The following DCAF8L2 variants were observed in gnomAD, a reference collection of about 807,000 sequenced individuals.
The protein encoded by DCAF8L2 is DDB1 and CUL4 associated factor 8 like 2, also known as DDB1- and CUL4-associated factor 8-like protein 2.
For missense variants in DCAF8L2, 430 were observed against 490.7 expected (o/e 0.88, Z 1.17); for synonymous variants, 200 against 190.9 (o/e 1.05, Z -0.39).
At chrX:27,502,815 T>G in the DCAF8L2 span, among the ~76,000 whole-genome samples, 1 of 111,656 alleles carries the variant, frequency 9.0e-6, no homozygotes, top group East Asian at 2.8e-4. Context: ...GAAATTTAAC[T>G]CTAAATATAG....
At chrX:27,552,429 A>G in the DCAF8L2 span, among the ~76,000 whole-genome samples, 1 of 111,143 alleles carries the variant, frequency 9.0e-6, no homozygotes, top group African/African-American at 3.3e-5. Flanking sequence ...TATAATTTTG[A>G]GTTTTACATT....
At chrX:27,480,389 A>T in the DCAF8L2 span, among the ~76,000 whole-genome samples, 1 of 112,254 alleles carries the variant, frequency 8.9e-6, no homozygotes, top group Non-Finnish European at 1.9e-5. Flanking sequence ...TACATGACGA[A>T]GGTTGATCCT....
At chrX:27,722,603 T>A (rs749709543) in intron 4 of DCAF8L2, among the ~76,000 whole-genome samples, 33 of 111,366 alleles carry the variant, frequency 3.0e-4, no homozygotes, top group African/African-American at 1.0e-3. Context: ...CATCATGAAG[T>A]CAAAAATTCA....
chrX:27,549,939 T>C, the DCAF8L2 span, among the ~76,000 whole-genome samples: 2 of 111,938 alleles, frequency 1.8e-5, no homozygotes, highest in African/African-American at 6.5e-5. Flanking sequence ...GCCCTCTAGA[T>C]TGAAGGTCCA....
chrX:27,579,964 A>G, the DCAF8L2 span, among the ~76,000 whole-genome samples: 8 of 109,562 alleles, frequency 7.3e-5, no homozygotes, highest in Non-Finnish European at 1.3e-4. Flanking sequence ...AATATATTAA[A>G]TGGGTTTGTA....
At chrX:27,614,664 A>G (rs1483507938) in intron 1 of DCAF8L2, among the ~76,000 whole-genome samples, 1 of 111,441 alleles carries the variant, frequency 9.0e-6, no homozygotes, top group Non-Finnish European at 1.9e-5. Flanking sequence ...CTTTGTTCTC[A>G]TTGGTTTCAG....
intron 2 of DCAF8L2, among the ~76,000 whole-genome samples, chrX:27,671,528 G>T (rs1318593456): frequency 2.7e-5 from 3 of 111,590 alleles, no homozygotes; most frequent in Admixed American, 1.9e-4. Context: ...TACACAAAAA[G>T]AATCAATTTC....
intron 4 of DCAF8L2, among the ~76,000 whole-genome samples, chrX:27,738,076 T>C (rs1247165511): frequency 9.0e-6 from 1 of 111,585 alleles, no homozygotes; most frequent in Admixed American, 9.6e-5. Flanking sequence ...GATTGATATT[T>C]TCAGAATCAG....
the DCAF8L2 span, among the ~76,000 whole-genome samples, chrX:27,470,628 G>T: frequency 8.9e-6 from 1 of 112,048 alleles, no homozygotes; most frequent in Admixed American, 9.5e-5. Flanking sequence ...GGTCTATAGT[G>T]AGCAAATGGC....
At chrX:27,693,300 AG>A (rs768444241) in intron 3 of DCAF8L2, among the ~76,000 whole-genome samples, 355 of 111,549 alleles carry the variant, frequency 3.2e-3, no homozygotes, top group African/African-American at 0.011. Flanking sequence ...TATAAAGTGT[AG>A]CCACTAGTGC....
chrX:27,608,168 TAACATATTTTCGAAGC>T (rs988872014), intron 1 of DCAF8L2, among the ~76,000 whole-genome samples: 4 of 111,701 alleles, frequency 3.6e-5, no homozygotes, highest in African/African-American at 1.3e-4. Context: ...ACAAGAGTGC[TAACATATTTTCGAAGC>T]AATTCTAATT....
At chrX:27,558,939 T>C in the DCAF8L2 span, among the ~76,000 whole-genome samples, 1 of 110,758 alleles carries the variant, frequency 9.0e-6, no homozygotes, top group African/African-American at 3.3e-5. Context: ...GGGCCTGATA[T>C]GGTTTGGCTC....
At chrX:27,712,170 T>C (rs1931555776) in intron 3 of DCAF8L2, among the ~76,000 whole-genome samples, 1 of 111,595 alleles carries the variant, frequency 9.0e-6, no homozygotes, top group African/African-American at 3.3e-5. Context: ...TTTTGGAGTA[T>C]TTAATCCAAT....
upstream of DCAF8L2, among the ~76,000 whole-genome samples, chrX:27,585,892 A>G (rs1381652719): frequency 8.9e-6 from 1 of 111,859 alleles, no homozygotes; most frequent in Non-Finnish European, 1.9e-5. Context: ...GTTACCTTTA[A>G]GGAAGCCAAT....
At chrX:27,614,145 A>G (rs1256837928) in intron 1 of DCAF8L2, among the ~76,000 whole-genome samples, 3 of 111,139 alleles carry the variant, frequency 2.7e-5, no homozygotes, top group African/African-American at 9.8e-5. Flanking sequence ...TTATTGGTCT[A>G]TTCAGGGATT....
chrX:27,699,074 A>G (rs1232485856), intron 3 of DCAF8L2, among the ~76,000 whole-genome samples: 1 of 112,023 alleles, frequency 8.9e-6, no homozygotes, highest in African/African-American at 3.2e-5. Context: ...AAATTGGCAG[A>G]AAACTAATAA....
chrX:27,501,489 A>G, the DCAF8L2 span, among the ~76,000 whole-genome samples: 22 of 111,364 alleles, frequency 2.0e-4, no homozygotes, highest in Non-Finnish European at 2.6e-4. Context: ...TATATGTTTT[A>G]CCAGTGTTAG....
intron 2 of DCAF8L2, among the ~76,000 whole-genome samples, chrX:27,647,724 C>A (rs1370158220): frequency 9.2e-6 from 1 of 108,724 alleles, no homozygotes; most frequent in African/African-American, 3.3e-5. Context: ...ACAGGAAAGA[C>A]CCCATACAAA....
At chrX:27,625,176 G>C (rs1208117254) in intron 1 of DCAF8L2, among the ~76,000 whole-genome samples, 4 of 111,844 alleles carry the variant, frequency 3.6e-5, no homozygotes, top group African/African-American at 1.3e-4. Flanking sequence ...CCATTAAAAA[G>C]TGGGCAAATG....
Sources: gnomAD v4.1 joint callset for allele counts (sites outside exome capture counted in the v4.1 genomes callset) on GRCh38, gnomAD v4.1.1 for gene constraint, MANE v1.5 for transcripts, NCBI Gene and HGNC (gene_info 2026-07-23, HGNC 2026-07-21) for gene names.